Variants in TLE3 observed in about 807,000 individuals in gnomAD.
TLE3 encodes transducin-like enhancer protein 3.
In TLE3, 14 loss-of-function variants were observed where a neutral mutation model predicts 93.0. That is an observed-to-expected ratio of 0.15 (90% CI 0.10 to 0.24). TLE3 has a LOEUF of 0.24. Ranked by LOEUF, TLE3 falls within the 10% of genes least tolerant of loss-of-function variation. The pLI is 1.00. For missense variants in TLE3, 693 were observed against 1,046.6 expected (o/e 0.66, Z 4.66); for synonymous variants, 451 against 425.0 (o/e 1.06, Z -0.75).
chr15:70,070,657 AT>A (rs1391391233), intron 6 of TLE3, among the ~76,000 whole-genome samples: 1 of 152,150 alleles, frequency 6.6e-6, no homozygotes, highest in Non-Finnish European at 1.5e-5. Flanking sequence ...CACTTCAGAG[AT>A]GGTGAACAGG....
chr15:70,082,708 C>T (rs1232484062), intron 4 of TLE3, among the ~76,000 whole-genome samples: 2 of 152,236 alleles, frequency 1.3e-5, no homozygotes, highest in African/African-American at 2.4e-5. Flanking sequence ...GATCTGTCTC[C>T]TCCGGAAGGG....
At chr15:70,071,320 C>A (rs2057145663) in intron 6 of TLE3, among the ~76,000 whole-genome samples, 1 of 152,190 alleles carries the variant, frequency 6.6e-6, no homozygotes. Context: ...TCTTCCACTT[C>A]TCTTCCCTCG....
chr15:70,077,267 T>C (rs1208167131), intron 4 of TLE3, among the ~76,000 whole-genome samples: 1 of 152,210 alleles, frequency 6.6e-6, no homozygotes, highest in Non-Finnish European at 1.5e-5. Flanking sequence ...TAGAAAGGCC[T>C]AGAACCACTG....
In TLE3 at chr15:70,096,721, C is replaced by T. The variant is rs577776981; in HGVS notation, c.24+54G>A. The T allele has an allele frequency of 2.2e-5, 36 of 1,605,302 alleles. No individual in the cohort carries two copies. The African/African-American group carries it at 4.1e-4, about 18-fold the overall frequency. ...AAAATGGAGGTGCCAGATAAACTGC[C>T]TCGTTTACCCTGCCATGATAGATGC... is the stretch of plus-strand genomic sequence containing the variant. On this transcript the variant is annotated intron_variant, in intron 1 of 19. Transcript: ENST00000451782.
At chr15:70,064,550 G>C in intron 7 of TLE3, 80 bp from the exon 8 acceptor site, 1 of 1,591,218 alleles carries the variant, frequency 6.3e-7, no homozygotes, top group South Asian at 1.1e-5. Context: ...AAAAAGGTCA[G>C]TCTAAGTCCA....
At chr15:70,051,563 T>A (rs557952388) in intron 18 of TLE3, 96 bp from the exon 19 acceptor site, 1 of 1,073,846 alleles carries the variant, frequency 9.3e-7, no homozygotes, top group Non-Finnish European at 1.3e-6. Flanking sequence ...AGAAAAGCAG[T>A]GAGAACTGCT....
intron 6 of TLE3, chr15:70,066,523 T>C (rs371651325): frequency 3.2e-5 from 10 of 315,420 alleles, no homozygotes; most frequent in African/African-American, 1.3e-4. Context: ...AAAGAATGCA[T>C]GCATTTAAAA....
At chr15:70,057,033 G>A (rs1418302247) in intron 13 of TLE3, among the ~76,000 whole-genome samples, 3 of 152,200 alleles carry the variant, frequency 2.0e-5, no homozygotes, top group African/African-American at 7.2e-5. Flanking sequence ...GATTACAGGC[G>A]TGAGCCACTG....
At chr15:70,073,162 C>T (rs2057272699) in intron 6 of TLE3, among the ~76,000 whole-genome samples, 1 of 152,204 alleles carries the variant, frequency 6.6e-6, no homozygotes, top group African/African-American at 2.4e-5. Flanking sequence ...GGCCGGTGTC[C>T]ATAAGTGTCA....
chr15:70,096,417 G>A (rs547565972), intron 1 of TLE3, 156 bp from the exon 2 acceptor site: 21 of 1,349,930 alleles, frequency 1.6e-5, no homozygotes, highest in African/African-American at 5.9e-5. Context: ...GGGGCGGAGG[G>A]GGGGCGCCCC....
In TLE3 at chr15:70,058,597, C is replaced by G; in HGVS notation, c.918+66G>C. 1 of 1,499,104 alleles carries G rather than the reference C, an allele frequency of 6.7e-7. No individual in the cohort carries two copies. Among genetic ancestry groups the G allele is most frequent in the South Asian group, 1.3e-5 (1 of 75,640 alleles). 92.9% of individuals were successfully genotyped at this position (1,499,104 alleles called of 1,614,324 possible). A position where few individuals can be genotyped will look rare whatever the true frequency, so the allele number is the denominator to read the frequency against. Reference sequence around the variant, plus strand: ...CCACTCCACCCCTCTGCCTGCCAATCGGCACCACCCCAGCTCCAGTCCCTG... The same window carrying G: ...CCACTCCACCCCTCTGCCTGCCAATGGGCACCACCCCAGCTCCAGTCCCTG... On this transcript the variant is annotated intron_variant, in intron 11 of 19. Coordinates refer to ENST00000451782, the MANE Select transcript of TLE3 (RefSeq NM_001105192.3). This position sits in a 1 kb window ranked among gnomAD's most constrained non-coding sequence, Gnocchi z 4.1.
chr15:70,083,489 T>C (rs2057887057), intron 4 of TLE3, among the ~76,000 whole-genome samples: 1 of 149,954 alleles, frequency 6.7e-6, no homozygotes, highest in Non-Finnish European at 1.5e-5. Flanking sequence ...CCCCCAACAC[T>C]GCCCATTCAT....
At position 70,052,459 on chromosome 15, in the gene TLE3, C is replaced by A; in HGVS notation, c.2040G>T (p.Val680=). The A allele has an allele frequency of 6.2e-7, 1 of 1,613,944 alleles. No individual in the cohort carries two copies. The highest frequency in any genetic ancestry group is 2.2e-5 in the East Asian group (1 of 44,890). The change falls in exon 18 of 20, where the codon GTG becomes GTT. Residue 680 remains valine, a synonymous_variant. Transcript: ENST00000451782. Reference sequence around the variant, plus strand: ...CAGGCTTGGTGTGGTGCAGCACCTCCACGTTGCTGCTCTCCATGCCCACAG... The same window carrying A: ...CAGGCTTGGTGTGGTGCAGCACCTCAACGTTGCTGCTCTCCATGCCCACAG... ...WLAVGMESSN[V]EVLHHTKPDK...
intron 1 of TLE3, 137 bp from the exon 2 acceptor site, chr15:70,096,398 C>G (rs1458202390): frequency 2.1e-6 from 3 of 1,440,748 alleles, no homozygotes; most frequent in African/African-American, 1.4e-5. Flanking sequence ...AGTTTCTCAG[C>G]TCTCCGACGG....
chr15:70,083,411 G>T (rs535394091), intron 4 of TLE3, among the ~76,000 whole-genome samples: 41 of 152,254 alleles, frequency 2.7e-4, no homozygotes, highest in African/African-American at 9.9e-4. Flanking sequence ...CTACTTGTGG[G>T]GGGAGATGGC....
At chr15:70,075,121 G>A (rs1248455333) in intron 5 of TLE3, among the ~76,000 whole-genome samples, 3 of 152,210 alleles carry the variant, frequency 2.0e-5, no homozygotes, top group African/African-American at 7.2e-5. Flanking sequence ...TCTAAATAGA[G>A]AGAAAACAAA....
At chr15:70,060,059 C>T (rs1386586111) in intron 9 of TLE3, among the ~76,000 whole-genome samples, 2 of 152,250 alleles carry the variant, frequency 1.3e-5, no homozygotes, top group Non-Finnish European at 2.9e-5. Flanking sequence ...GGAAACACAA[C>T]AGCCATGCTT....
intron 4 of TLE3, among the ~76,000 whole-genome samples, chr15:70,082,068 G>A (rs1036956068): frequency 2.0e-5 from 3 of 152,124 alleles, no homozygotes; most frequent in Non-Finnish European, 4.4e-5. Flanking sequence ...AGGCTGTGCA[G>A]AAAGAGGTGG....
chr15:70,079,329 G>A (rs769293527), intron 4 of TLE3: 1 of 494,640 alleles, frequency 2.0e-6, no homozygotes, highest in East Asian at 7.1e-5. Flanking sequence ...AAGGCAGGAA[G>A]GACTTTGGCA....
Sources: gnomAD v4.1 joint callset for allele counts (sites outside exome capture counted in the v4.1 genomes callset) on GRCh38, gnomAD v4.1.1 for gene constraint, Gnocchi (gnomAD v3.1) non-coding constraint, MANE v1.5 for transcripts, NCBI Gene and HGNC (gene_info 2026-07-23, HGNC 2026-07-21) for gene names.